Variants in ATP8B1 observed in about 807,000 individuals in gnomAD.
The protein encoded by ATP8B1 is phospholipid-transporting ATPase IC.
ATP8B1 carries 80 observed loss-of-function variants against 149.9 expected under a neutral mutation model. The observed-to-expected ratio is 0.53, with a 90% CI of 0.45 to 0.64. The LOEUF is 0.64. Among genes scored for constraint, ATP8B1 ranks in the 30% least tolerant of loss-of-function variants. The pLI is 0.00. For synonymous variants in ATP8B1, 536 were observed against 562.8 expected (o/e 0.95, Z 0.67); for missense variants, 1,247 against 1,552.6 (o/e 0.80, Z 3.31).
chr18:57,679,202 C>T (rs2037331280), intron 15 of ATP8B1, among the ~76,000 whole-genome samples: 1 of 151,506 alleles, frequency 6.6e-6, no homozygotes, highest in Admixed American at 6.6e-5. Context: ...TGCTCTCCAG[C>T]CTGGGCAACA....
At chr18:57,715,354 G>T (rs1021883755) in intron 2 of ATP8B1, among the ~76,000 whole-genome samples, 5 of 151,974 alleles carry the variant, frequency 3.3e-5, no homozygotes, top group African/African-American at 1.2e-4. Flanking sequence ...AAAGAAAGAA[G>T]TACACCTACA....
chr18:57,649,224 C>CTATCTATCTATCTATATT, intron 27 of ATP8B1, among the ~76,000 whole-genome samples: 1 of 34,458 alleles, frequency 2.9e-5, no homozygotes, highest in Non-Finnish European at 7.7e-5. Flanking sequence ...CTATCTATAT[C>CTATCTATCTATCTATATT]GACATATATA....
intron 1 of ATP8B1, among the ~76,000 whole-genome samples, chr18:57,773,767 T>A (rs2080284146): frequency 6.6e-6 from 1 of 152,106 alleles, no homozygotes; most frequent in Admixed American, 6.6e-5. Flanking sequence ...GAGTCTCATC[T>A]TCCCTCCTAC....
rs966707236 is a variant in ATP8B1 at position 57,703,226 on chromosome 18, G to C, written c.393+1329C>G. Among the ~76,000 whole-genome samples the C allele has an allele frequency of 2.0e-5, 3 of 151,798 alleles. No homozygotes were observed. In the East Asian group the frequency reaches 5.8e-4, roughly 29 times the overall value. Reference sequence around the variant, plus strand: ...ACCCCATTTTCATAAAACCTTAAAGGGTCAATCCCAGCAGGTATAACTTTT... The same window carrying C: ...ACCCCATTTTCATAAAACCTTAAAGCGTCAATCCCAGCAGGTATAACTTTT... On this transcript the variant is annotated intron_variant, in intron 4 of 27. Coordinates refer to ENST00000648908, the MANE Select transcript of ATP8B1 (RefSeq NM_001374385.1).
At chr18:57,707,986 G>C (rs950485242) in intron 2 of ATP8B1, among the ~76,000 whole-genome samples, 1 of 150,568 alleles carries the variant, frequency 6.6e-6, no homozygotes, top group Non-Finnish European at 1.5e-5. Flanking sequence ...GTGAAACCCC[G>C]TCTCTACTAA....
intron 20 of ATP8B1, among the ~76,000 whole-genome samples, chr18:57,663,921 C>G (rs549877911): frequency 2.0e-5 from 3 of 151,790 alleles, no homozygotes; most frequent in African/African-American, 7.2e-5. Context: ...CGGGCACCAC[C>G]ATGCCCAGCT....
Position 57,648,430 on chromosome 18 carries a change from GTCTT to G in ATP8B1, c.*54_*57del. On this transcript the variant is annotated 3_prime_UTR_variant, in exon 28 of 28. Coordinates refer to ENST00000648908, the MANE Select transcript of ATP8B1 (RefSeq NM_001374385.1). ...CACACACACACACAAAGTCCTGAGAGTCTTTCATAAAAAAATAGACGTGCTTTGT... is the reference window on the plus strand; with the variant it reads ...CACACACACACACAAAGTCCTGAGAGTCATAAAAAAATAGACGTGCTTTGT... 6.4e-7 allele frequency: 1 copy of G among 1,562,272 alleles called. No individual in the cohort carries two copies.
At chr18:57,676,144 A>C (rs768011482) in intron 15 of ATP8B1, among the ~76,000 whole-genome samples, 1 of 152,158 alleles carries the variant, frequency 6.6e-6, no homozygotes, top group Non-Finnish European at 1.5e-5. Flanking sequence ...CCTCTAAAAA[A>C]GTATGTTTTC....
chr18:57,787,505 C>T (rs1484599281), intron 1 of ATP8B1, among the ~76,000 whole-genome samples: 2 of 151,870 alleles, frequency 1.3e-5, no homozygotes, highest in Non-Finnish European at 2.9e-5. Context: ...CCATCTAGAA[C>T]AATGCGGGTG....
chr18:57,669,651 T>C (rs955151890), intron 17 of ATP8B1, among the ~76,000 whole-genome samples, 169 bp from the exon 18 acceptor site: 3 of 112,026 alleles, frequency 2.7e-5, no homozygotes, highest in East Asian at 7.3e-4. Context: ...GGATTAAATG[T>C]CACTTTTTTT....
In ATP8B1 at chr18:57,707,133, C is replaced by T. The variant is rs567225490; in HGVS notation, c.182-546G>A. Among the ~76,000 whole-genome samples the T allele has an allele frequency of 5.3e-5, 8 of 152,176 alleles. No homozygotes were observed. The South Asian group carries it at 6.2e-4, about 12-fold the overall frequency. On this transcript the variant is annotated intron_variant, in intron 2 of 27. Transcript: ENST00000648908. ...CAGCCTGGCCAAGGTGGTGAAACCC[C>T]GTCTCTACTAAAAATAGCCAGGTGC...
intron 1 of ATP8B1, among the ~76,000 whole-genome samples, chr18:57,773,188 C>T (rs1324338867): frequency 2.5e-5 from 3 of 118,864 alleles, no homozygotes; most frequent in Non-Finnish European, 3.2e-5. Flanking sequence ...GGTGACAGAG[C>T]GAGACTCTGT....
At chr18:57,792,837 T>A (rs1429411934) in intron 1 of ATP8B1, among the ~76,000 whole-genome samples, 1 of 152,086 alleles carries the variant, frequency 6.6e-6, no homozygotes, top group Non-Finnish European at 1.5e-5. Flanking sequence ...AACCTCCCAA[T>A]TAGGCAAAAG....
chr18:57,652,491 T>C lies in ATP8B1; in HGVS notation c.3254A>G (p.Asn1085Ser), dbSNP rs1472467052. 1 of 1,614,066 alleles carries C rather than the reference T, an allele frequency of 6.2e-7. No homozygotes were observed. The highest frequency in any genetic ancestry group is 8.5e-7 in the Non-Finnish European group (1 of 1,180,020). The change falls in exon 25 of 28, where the codon AAT (asparagine) becomes AGT (serine). Residue 1085 changes from asparagine (N) to serine (S), a missense_variant. Asn to Ser is a conservative substitution (Grantham distance 46). Coordinates refer to ENST00000648908, the MANE Select transcript of ATP8B1 (RefSeq NM_001374385.1). ...TIASALVITV[N>S]FQIGLDTSYW... The stretch of plus-strand genomic sequence containing the variant: ...CCAATGAAAGCCACGTACCTGGAAA[T>C]TGACTGTTATTACAAGAGCAGAGGC...
chr18:57,794,357 C>A (rs2123460577), intron 1 of ATP8B1, among the ~76,000 whole-genome samples: 1 of 148,662 alleles, frequency 6.7e-6, no homozygotes, highest in South Asian at 2.1e-4. Context: ...CCTATAAGCA[C>A]ATTATTATAG....
intron 16 of ATP8B1, 21 bp downstream of exon 16, chr18:57,674,809 TAGAC>T (rs761888325): frequency 2.5e-6 from 4 of 1,612,326 alleles, no homozygotes; most frequent in Non-Finnish European, 1.7e-6. Flanking sequence ...GAGCGATTCA[TAGAC>T]AGACTCTGAG....
In ATP8B1 at chr18:57,779,230, G is replaced by A. The variant is rs570404124; in HGVS notation, c.-26+23768C>T. 1.8e-4 allele frequency among the ~76,000 whole-genome samples: 27 copies of A among 152,096 alleles called. No homozygotes were observed. In the South Asian group the frequency reaches 5.6e-3, roughly 32 times the overall value. ...CTCGGGAGGCTGAAGTGAGAGGATT[G>A]CTTGAGCCTGGGAGGTCGAGGCTAC... On this transcript the variant is annotated intron_variant, in intron 1 of 27. Coordinates refer to ENST00000648908, the MANE Select transcript of ATP8B1 (RefSeq NM_001374385.1).
In ATP8B1 at chr18:57,756,545, C is replaced by A. The variant is rs537576282; in HGVS notation, c.-25-24713G>T. On this transcript the variant is annotated intron_variant, in intron 1 of 27. Transcript: ENST00000648908. ...CGAACTCCTGACCTCAGGTGATCTG[C>A]CCACCTTGGCCTCCCAAAGTGAGAT... Among the ~76,000 whole-genome samples, 3 of 152,154 alleles carry A rather than the reference C, an allele frequency of 2.0e-5. No individual in the cohort carries two copies. The East Asian group carries it at 5.8e-4, about 29-fold the overall frequency.
intron 1 of ATP8B1, among the ~76,000 whole-genome samples, chr18:57,780,088 T>A (rs769841326): frequency 6.6e-6 from 1 of 152,196 alleles, no homozygotes; most frequent in Non-Finnish European, 1.5e-5. Flanking sequence ...AACAGATTTA[T>A]TATGAATCTC....
Sources: allele counts gnomAD v4.1 joint callset (sites outside exome capture counted in the v4.1 genomes callset), GRCh38; gene constraint gnomAD v4.1.1; transcripts MANE v1.5; gene names NCBI Gene and HGNC (gene_info 2026-07-23, HGNC 2026-07-21).